The following ARL15 variants were observed in gnomAD, a reference collection of about 807,000 sequenced individuals.
ARL15 encodes ARF like GTPase 15.
Under a neutral mutation model 25.2 loss-of-function variants are expected in ARL15, and 19 were observed. The observed-to-expected ratio is 0.75, with a 90% CI of 0.53 to 1.10. The LOEUF is 1.10. Among genes scored for constraint, ARL15 ranks in the 50% least tolerant of loss-of-function variants. The pLI is 0.00. For synonymous variants in ARL15, 94 were observed against 86.8 expected (o/e 1.08, Z -0.46); for missense variants, 220 against 246.0 (o/e 0.89, Z 0.71).
rs1249459574 is a variant in ARL15, at chr5:54,023,048, A to T, written c.462+90154T>A. ...GATAGGCTCGACAGCAGGATGGAGAAGTCAGGTCAGTGAACCTGCAGACTG... is the reference window on the plus strand; with the variant it reads ...GATAGGCTCGACAGCAGGATGGAGATGTCAGGTCAGTGAACCTGCAGACTG... On this transcript the variant is annotated intron_variant, in intron 4 of 4. Coordinates refer to ENST00000504924, the MANE Select transcript of ARL15 (RefSeq NM_019087.3). 2.0e-5 allele frequency among the ~76,000 whole-genome samples: 3 copies of T among 152,242 alleles called. No individual in the cohort carries two copies. In the East Asian group the frequency reaches 5.8e-4, roughly 29 times the overall value.
intron 4 of ARL15, among the ~76,000 whole-genome samples, chr5:53,902,261 G>A (rs756772376): frequency 6.6e-6 from 1 of 152,302 alleles, no homozygotes. Flanking sequence ...CCAGGGGAAC[G>A]TGATTTGATT....
intron 1 of ARL15, among the ~76,000 whole-genome samples, chr5:54,221,306 G>T (rs1471220910): frequency 1.3e-5 from 2 of 152,170 alleles, no homozygotes; most frequent in Non-Finnish European, 2.9e-5. Context: ...TTACACAGGG[G>T]CTTTCCTGGG....
At chr5:54,063,064 A>T (rs1029489831) in intron 4 of ARL15, among the ~76,000 whole-genome samples, 1 of 152,254 alleles carries the variant, frequency 6.6e-6, no homozygotes, top group African/African-American at 2.4e-5. Flanking sequence ...ATCATTCTAC[A>T]TAACTTCAAA....
intron 4 of ARL15, among the ~76,000 whole-genome samples, chr5:53,890,542 C>T (rs1282994741): frequency 6.6e-6 from 1 of 152,176 alleles, no homozygotes; most frequent in Admixed American, 6.5e-5. Context: ...TTGGAGACGG[C>T]ACTTGGGAGA....
rs577621180 is a variant in ARL15 at position 54,124,060 on chromosome 5, G to T, written c.254-10650C>A. ...GGGAGAGAGACAGTGTAATTTGAAT[G>T]ATGTTACACCTACTGTCTAAATTTT... On this transcript the variant is annotated intron_variant, in intron 3 of 4. Coordinates refer to ENST00000504924, the MANE Select transcript of ARL15 (RefSeq NM_019087.3). Among the ~76,000 whole-genome samples the T allele has an allele frequency of 1.3e-5, 2 of 152,298 alleles. 1 individual carries two copies. Among genetic ancestry groups the T allele is most frequent in the Admixed American group, 1.3e-4 (2 of 15,302 alleles).
At chr5:54,106,356 A>T (rs1752589815) in intron 4 of ARL15, among the ~76,000 whole-genome samples, 1 of 152,142 alleles carries the variant, frequency 6.6e-6, no homozygotes, top group Non-Finnish European at 1.5e-5. Context: ...ATCTGGATAA[A>T]GTTGATGGTA....
At chr5:53,969,745 G>A (rs1023919301) in intron 4 of ARL15, among the ~76,000 whole-genome samples, 4 of 152,000 alleles carry the variant, frequency 2.6e-5, no homozygotes, top group Admixed American at 1.3e-4. Flanking sequence ...TTTTCCTCAA[G>A]TGCCTAGAAT....
chr5:54,204,947 T>TA (rs397692474), intron 1 of ARL15, among the ~76,000 whole-genome samples: 1 of 151,082 alleles, frequency 6.6e-6, no homozygotes, highest in Non-Finnish European at 1.5e-5. Flanking sequence ...TTTTTTTTTT[T>TA]CCTTGAGATG....
intron 1 of ARL15, chr5:54,282,462 A>T (rs951114766): frequency 3.0e-6 from 3 of 985,330 alleles, no homozygotes; most frequent in African/African-American, 3.5e-5. Flanking sequence ...GAAGTGGCTG[A>T]ATTTCTTCCG....
At chr5:54,069,652 T>G (rs960469325) in intron 4 of ARL15, among the ~76,000 whole-genome samples, 2 of 151,816 alleles carry the variant, frequency 1.3e-5, no homozygotes, top group African/African-American at 4.8e-5. Flanking sequence ...TTTTTTTTAT[T>G]TTTTATTTTT....
intron 1 of ARL15, among the ~76,000 whole-genome samples, chr5:54,192,252 T>C (rs1408399757): frequency 6.7e-6 from 1 of 148,552 alleles, no homozygotes; most frequent in African/African-American, 2.5e-5. Flanking sequence ...ACCCTAAAAC[T>C]TAAAGTATAA....
chr5:53,889,243 G>T (rs1299016091), intron 4 of ARL15, among the ~76,000 whole-genome samples: 1 of 152,010 alleles, frequency 6.6e-6, no homozygotes, highest in Non-Finnish European at 1.5e-5. Context: ...CAGCTAATTT[G>T]AAAACAATAT....
chr5:54,029,317 C>CCAACACCAA lies in ARL15; in HGVS notation c.462+83884_462+83885insTTGGTGTTG, dbSNP rs1308011496. Among the ~76,000 whole-genome samples, 4 of 119,090 alleles carry CCAACACCAA rather than the reference C, an allele frequency of 3.4e-5. 1 individual carries two copies. The South Asian group carries it at 1.1e-3, about 32-fold the overall frequency. The allele number at this position is 119,090 out of a possible 152,430, so 78.1% of individuals were successfully genotyped here. ...TTTATAAAAACAGTTACCACCACCA[C>CCAACACCAA]CACCACCACCACCACTACCACCACC... On this transcript the variant is annotated intron_variant, in intron 4 of 4. Transcript: ENST00000504924.
At chr5:54,076,234 G>A (rs1468497143) in intron 4 of ARL15, among the ~76,000 whole-genome samples, 1 of 149,956 alleles carries the variant, frequency 6.7e-6, no homozygotes, top group Non-Finnish European at 1.5e-5. Flanking sequence ...GGCTAATACA[G>A]TGAAACCCCA....
At chr5:53,968,847 C>T (rs1159635760) in intron 4 of ARL15, among the ~76,000 whole-genome samples, 1 of 151,762 alleles carries the variant, frequency 6.6e-6, no homozygotes, top group Non-Finnish European at 1.5e-5. Flanking sequence ...GTTACCTGGG[C>T]ACATCTTATA....
At position 54,001,872 on chromosome 5, in the gene ARL15, C is replaced by T. The variant is rs539360607; in HGVS notation, c.462+111330G>A. Among the ~76,000 whole-genome samples, 5 of 152,282 alleles carry T rather than the reference C, an allele frequency of 3.3e-5. No individual in the cohort carries two copies. The East Asian group carries it at 9.6e-4, about 29-fold the overall frequency. On this transcript the variant is annotated intron_variant, in intron 4 of 4. Transcript: ENST00000504924. Reference sequence around the variant, plus strand: ...AAGTTCTGTCTTAAATTCTCAGTACCATTACACCTTGTACTATTGCTAGAT... The same window carrying T: ...AAGTTCTGTCTTAAATTCTCAGTACTATTACACCTTGTACTATTGCTAGAT...
At chr5:54,293,931 C>A (rs1758404902) in intron 1 of ARL15, among the ~76,000 whole-genome samples, 1 of 152,092 alleles carries the variant, frequency 6.6e-6, no homozygotes, top group Admixed American at 6.5e-5. Context: ...TGGGTTCAAG[C>A]AATTCTGCCT....
chr5:54,140,392 A>G (rs1753734836), intron 3 of ARL15, among the ~76,000 whole-genome samples: 1 of 151,672 alleles, frequency 6.6e-6, no homozygotes, highest in African/African-American at 2.4e-5. Flanking sequence ...GGGTTTAAAT[A>G]TATATATATG....
chr5:54,137,904 G>A (rs934399932), intron 3 of ARL15, among the ~76,000 whole-genome samples: 1 of 151,700 alleles, frequency 6.6e-6, no homozygotes, highest in South Asian at 2.1e-4. Context: ...AGGAAAGTAG[G>A]ATGAGGAAAT....
Sources: allele counts gnomAD v4.1 joint callset (sites outside exome capture counted in the v4.1 genomes callset), GRCh38; gene constraint gnomAD v4.1.1; transcripts MANE v1.5; gene names NCBI Gene and HGNC (gene_info 2026-07-23, HGNC 2026-07-21).